The following PTPRT variants were observed in gnomAD, a reference collection of about 807,000 sequenced individuals.
PTPRT encodes the protein protein tyrosine phosphatase receptor type T.
A neutral mutation model predicts 176.8 loss-of-function variants in PTPRT; 56 were observed. That is an observed-to-expected ratio of 0.32 (90% CI 0.26 to 0.40). The LOEUF is 0.40. Among genes scored for constraint, PTPRT ranks in the 10% least tolerant of loss-of-function variants. The pLI, the probability that PTPRT is intolerant of heterozygous loss-of-function variation, is 1.00. For synonymous variants in PTPRT, 783 were observed against 739.0 expected, an observed-to-expected ratio of 1.06 and a Z score of -0.96; for missense variants, 1,540 against 1,908.2, an observed-to-expected ratio of 0.81 and a Z score of 3.60.
intron 2 of PTPRT, among the ~76,000 whole-genome samples, chr20:42,868,116 G>T (rs778787738): frequency 5.3e-5 from 8 of 152,172 alleles, no homozygotes; most frequent in Non-Finnish European, 1.0e-4. Context: ...ATGAGTAGAA[G>T]CTGGAAGACT....
intron 6 of PTPRT, among the ~76,000 whole-genome samples, chr20:42,702,292 G>T (rs924228431): frequency 1.3e-5 from 2 of 152,092 alleles, no homozygotes; most frequent in Non-Finnish European, 2.9e-5. Flanking sequence ...ATGTTGTTGG[G>T]CCCAGAAGGT....
rs1184829077 is a variant in PTPRT at position 43,189,902 on chromosome 20, G to C, written c.-169C>G. 7.0e-6 allele frequency: 1 copy of C among 142,624 alleles called. No individual in the cohort carries two copies. The highest frequency in any genetic ancestry group is 7.1e-5 in the Admixed American group (1 of 14,006). 8.8% of individuals were successfully genotyped at this position (142,624 alleles called of 1,614,324 possible). On this transcript the variant is annotated 5_prime_UTR_variant, in exon 1 of 31. Transcript: ENST00000373187. This position sits in a 1 kb window ranked among gnomAD's most constrained non-coding sequence, Gnocchi z 5.0. ...TGCGTTCCAAGCCGAGGCGCGGCGC[G>C]AACTGAGGCGGGAGGCTGGGCGGGG...
At chr20:42,642,385 A>T (rs558561234) in intron 7 of PTPRT, among the ~76,000 whole-genome samples, 2 of 152,048 alleles carry the variant, frequency 1.3e-5, no homozygotes, top group African/African-American at 4.8e-5. Flanking sequence ...AGAGTTATGG[A>T]CCTCCCTGAG....
chr20:42,666,100 T>A (rs1600574937), intron 7 of PTPRT, among the ~76,000 whole-genome samples: 2 of 151,588 alleles, frequency 1.3e-5, no homozygotes, highest in East Asian at 2.0e-4. Context: ...AATAAAAAAA[T>A]AAAAATAAAA....
intron 2 of PTPRT, among the ~76,000 whole-genome samples, chr20:42,864,156 A>C (rs1259466195): frequency 1.3e-5 from 2 of 152,190 alleles, no homozygotes; most frequent in Non-Finnish European, 2.9e-5. Context: ...CCAGGACTAA[A>C]ATGACAAGGT....
chr20:42,835,076 G>A (rs1229782975), intron 2 of PTPRT, among the ~76,000 whole-genome samples: 2 of 152,148 alleles, frequency 1.3e-5, no homozygotes, highest in African/African-American at 4.8e-5. Context: ...CCTAGAAAAA[G>A]GAGAGAGGTA....
intron 15 of PTPRT, among the ~76,000 whole-genome samples, chr20:42,234,710 C>A (rs1243482458): frequency 6.6e-6 from 1 of 152,210 alleles, no homozygotes; most frequent in Non-Finnish European, 1.5e-5. Context: ...TTTCTTCATC[C>A]ACACCATATG....
rs1031829976 is a variant in PTPRT, at chr20:42,077,756, G to C, written c.*3123C>G. ...TGGTTGGGTTGTGGGAAAATAAGGG[G>C]ATGAGCTGGGGGAAATCATCACTGG... is the stretch of plus-strand genomic sequence containing the variant. On this transcript the variant is annotated 3_prime_UTR_variant, in exon 31 of 31. Coordinates refer to ENST00000373187, the MANE Select transcript of PTPRT (RefSeq NM_007050.6). 1 of 190,684 alleles carries C rather than the reference G, an allele frequency of 5.2e-6. No individual in the cohort carries two copies. 11.8% of individuals were successfully genotyped at this position (190,684 alleles called of 1,614,324 possible).
chr20:43,104,005 T>C (rs6030651), intron 1 of PTPRT, among the ~76,000 whole-genome samples: 2,443 of 152,246 alleles, frequency 0.016, 57 homozygotes, highest in African/African-American at 0.055. Flanking sequence ...GCCACAGTAA[T>C]TGCACTTTGT....
rs570233513 is a variant in PTPRT at position 42,079,305 on chromosome 20, G to A, written c.*1574C>T. The A allele has an allele frequency of 4.9e-6, 1 of 205,704 alleles. No individual in the cohort carries two copies. The highest frequency in any genetic ancestry group is 1.9e-4 in the South Asian group (1 of 5,294). 12.7% of individuals were successfully genotyped at this position (205,704 alleles called of 1,614,324 possible). The stretch of plus-strand genomic sequence containing the variant: ...TTCCATTTGTGGAGTTATCTGCTCA[G>A]AAGTTTCTGGCCTTATTTTCCCTCC... On this transcript the variant is annotated 3_prime_UTR_variant, in exon 31 of 31. Transcript: ENST00000373187.
At chr20:42,642,657 T>C (rs1358676333) in intron 7 of PTPRT, among the ~76,000 whole-genome samples, 1 of 152,164 alleles carries the variant, frequency 6.6e-6, no homozygotes, top group African/African-American at 2.4e-5. Flanking sequence ...TAACTAGTAT[T>C]ACACTCTTTA....
At chr20:42,648,809 T>G (rs79634286) in intron 7 of PTPRT, among the ~76,000 whole-genome samples, 2 of 139,614 alleles carry the variant, frequency 1.4e-5, no homozygotes, top group African/African-American at 5.5e-5. Context: ...ATTTTTTTTT[T>G]TGGTGTCGTT....
intron 2 of PTPRT, among the ~76,000 whole-genome samples, chr20:42,814,638 A>G (rs2077752469): frequency 6.6e-6 from 1 of 152,154 alleles, no homozygotes. Flanking sequence ...AAAGGAAGCA[A>G]ATGTCATGAC....
intron 1 of PTPRT, among the ~76,000 whole-genome samples, chr20:43,177,409 G>A (rs753127619): frequency 1.2e-4 from 19 of 152,172 alleles, no homozygotes; most frequent in Admixed American, 2.0e-4. Flanking sequence ...CCAGAAGGAG[G>A]AAATATCTGA....
intron 7 of PTPRT, among the ~76,000 whole-genome samples, chr20:42,560,225 G>A (rs550072719): frequency 2.0e-5 from 3 of 152,198 alleles, no homozygotes; most frequent in Non-Finnish European, 4.4e-5. Flanking sequence ...TCTTGGTTTC[G>A]AACTTCTGGT....
intron 2 of PTPRT, among the ~76,000 whole-genome samples, chr20:42,841,610 T>TACACACACACACACAC (rs3973897): frequency 7.1e-6 from 1 of 140,908 alleles, no homozygotes. Flanking sequence ...TAGTGTTAAA[T>TACACACACACACACAC]ACACACACAC....
At position 42,323,218 on chromosome 20, in the gene PTPRT, T is replaced by C. The variant is rs970708315; in HGVS notation, c.1866-7222A>G. Among the ~76,000 whole-genome samples, 55 of 152,344 alleles carry C rather than the reference T, an allele frequency of 3.6e-4. 1 individual carries two copies. The Middle Eastern group carries it at 0.01, about 28-fold the overall frequency. On this transcript the variant is annotated intron_variant, in intron 11 of 30. Transcript: ENST00000373187. Reference sequence around the variant, plus strand: ...TCACTGTGGCGATTCCTCAGGGATCTAGAACTAGAAATACCATTTGACCCA... The same window carrying C: ...TCACTGTGGCGATTCCTCAGGGATCCAGAACTAGAAATACCATTTGACCCA...
chr20:42,471,276 A>G (rs2145284783), intron 8 of PTPRT, among the ~76,000 whole-genome samples: 1 of 152,308 alleles, frequency 6.6e-6, no homozygotes, highest in Non-Finnish European at 1.5e-5. Flanking sequence ...TGGACAGAGA[A>G]GGTGGTTGAT....
chr20:42,917,337 C>A (rs1419731535), intron 1 of PTPRT, among the ~76,000 whole-genome samples: 2 of 152,086 alleles, frequency 1.3e-5, no homozygotes, highest in East Asian at 1.9e-4. Context: ...GTTTTGGTAC[C>A]AGTACCATGC....
Sources: gnomAD v4.1 joint callset for allele counts (sites outside exome capture counted in the v4.1 genomes callset) on GRCh38, gnomAD v4.1.1 for gene constraint, Gnocchi (gnomAD v3.1) non-coding constraint, MANE v1.5 for transcripts, NCBI Gene and HGNC (gene_info 2026-07-23, HGNC 2026-07-21) for gene names.